PLXNA4: variants seen among roughly 807,000 people sequenced by gnomAD.
PLXNA4 encodes the protein plexin-A4.
In PLXNA4, 44 loss-of-function variants were observed where a neutral mutation model predicts 191.8. That is an observed-to-expected ratio of 0.23 (90% CI 0.18 to 0.29). The LOEUF (loss-of-function observed/expected upper bound fraction) is 0.29, where lower values mean the gene tolerates loss of function less well. Among genes scored for constraint, PLXNA4 ranks in the 10% least tolerant of loss-of-function variants. PLXNA4 has a pLI of 1.00. For missense variants in PLXNA4, 1,800 were observed against 2,488.8 expected (o/e 0.72, Z 5.89); for synonymous variants, 1,082 against 1,009.5 (o/e 1.07, Z -1.36).
intron 1 of PLXNA4, among the ~76,000 whole-genome samples, chr7:132,565,637 C>T (rs1801687153): frequency 1.3e-5 from 2 of 152,308 alleles, no homozygotes; most frequent in East Asian, 1.9e-4. Context: ...TCCCCTTCCG[C>T]ATGATTCTTT....
At chr7:132,276,183 CT>C (rs1229053986) in intron 4 of PLXNA4, among the ~76,000 whole-genome samples, 1 of 152,186 alleles carries the variant, frequency 6.6e-6, no homozygotes, top group Admixed American at 6.5e-5. Context: ...TGAGCATAGC[CT>C]GTTTGGTCCA....
At chr7:132,581,290 C>T (rs1802398357), upstream of PLXNA4, among the ~76,000 whole-genome samples, 1 of 152,218 alleles carries the variant, frequency 6.6e-6, no homozygotes, top group South Asian at 2.1e-4. Context: ...ACAGGGCCTA[C>T]TAGTAAGTTG....
intron 12 of PLXNA4, among the ~76,000 whole-genome samples, chr7:132,201,628 G>T (rs1797437014): frequency 6.6e-6 from 1 of 152,194 alleles, no homozygotes; most frequent in African/African-American, 2.4e-5. Flanking sequence ...TGTGTGCTCA[G>T]CCCTGAGCTG....
chr7:132,138,504 T>C (rs1161847217), intron 30 of PLXNA4, among the ~76,000 whole-genome samples: 1 of 152,118 alleles, frequency 6.6e-6, no homozygotes, highest in Admixed American at 6.5e-5. Flanking sequence ...CGTGGACTTG[T>C]CCCTCCATCA....
intron 1 of PLXNA4, among the ~76,000 whole-genome samples, chr7:132,544,049 A>T (rs1382466373): frequency 6.6e-6 from 1 of 152,260 alleles, no homozygotes; most frequent in African/African-American, 2.4e-5. Context: ...GGAGAAAAGT[A>T]AAATGATATG....
chr7:132,151,408 GA>G (rs368135730), intron 25 of PLXNA4, among the ~76,000 whole-genome samples: 1 of 7,298 alleles, frequency 1.4e-4, no homozygotes, highest in Non-Finnish European at 2.7e-4. Flanking sequence ...GGAGGAGGAG[GA>G]AGGAGGAGGA....
intron 25 of PLXNA4, among the ~76,000 whole-genome samples, chr7:132,155,602 G>A (rs1242093842): frequency 1.3e-5 from 2 of 152,140 alleles, no homozygotes; most frequent in African/African-American, 2.4e-5. Context: ...TTTAAACCTG[G>A]TTGTGGGGAC....
intron 2 of PLXNA4, among the ~76,000 whole-genome samples, chr7:132,589,571 G>A (rs970024695): frequency 7.9e-5 from 12 of 152,192 alleles, no homozygotes; most frequent in African/African-American, 2.6e-4. Context: ...AAGGACTCAG[G>A]TGAGTAGACA....
intron 2 of PLXNA4, among the ~76,000 whole-genome samples, chr7:132,592,152 T>G (rs1368259201): frequency 1.3e-5 from 2 of 152,210 alleles, no homozygotes; most frequent in Non-Finnish European, 2.9e-5. Flanking sequence ...CATTTCTCCC[T>G]GGGAACCCTG....
intron 3 of PLXNA4, among the ~76,000 whole-genome samples, chr7:132,371,632 G>A (rs927674562): frequency 6.6e-6 from 1 of 152,204 alleles, no homozygotes; most frequent in Non-Finnish European, 1.5e-5. Flanking sequence ...AGCCACTTGG[G>A]AGGGAGCCTT....
At chr7:132,410,148 A>G (rs1794391706) in intron 3 of PLXNA4, among the ~76,000 whole-genome samples, 2 of 152,180 alleles carry the variant, frequency 1.3e-5, no homozygotes, top group African/African-American at 4.8e-5. Context: ...GGATGGCAAC[A>G]GTTTTGGGCA....
intron 1 of PLXNA4, among the ~76,000 whole-genome samples, chr7:132,563,205 CCTCCTCCTCCTCCTTCTCCTCCTCTTT>C (rs1801413417): frequency 9.3e-6 from 1 of 107,614 alleles, no homozygotes; most frequent in Non-Finnish European, 2.0e-5. Flanking sequence ...TCCTCTTCCT[CCTCCTCCTCCTCCTTCTCCTCCTCTTT>C]CTCCTCCTCC....
At position 132,168,547 on chromosome 7, in the gene PLXNA4, A is replaced by C. The variant is rs762472086; in HGVS notation, c.4043T>G (p.Val1348Gly). 1.3e-6 allele frequency: 2 copies of C among 1,597,232 alleles called. No individual in the cohort carries two copies. Among genetic ancestry groups the C allele is most frequent in the Non-Finnish European group, 8.5e-7 (1 of 1,170,334 alleles). Reference protein sequence around the residue: ...LEVPGYRQERVEKGLKLFAQL... With the variant: ...LEVPGYRQERGEKGLKLFAQL... ...GGCGAAGAGCTTCAGGCCTTTCTCC[A>C]CACGCTCCTGCCGGTAGCCCGGGAC... is the stretch of plus-strand genomic sequence containing the variant. Residue 1348 changes from valine (V) to glycine (G), a missense_variant, in exon 22 of 32, where the codon GTG (valine) becomes GGG (glycine). Coordinates refer to ENST00000321063, the MANE Select transcript of PLXNA4 (RefSeq NM_020911.2).
At chr7:132,542,444 C>G (rs995563662) in intron 1 of PLXNA4, among the ~76,000 whole-genome samples, 1 of 152,096 alleles carries the variant, frequency 6.6e-6, no homozygotes, top group Non-Finnish European at 1.5e-5. Context: ...TACAATGTGT[C>G]TTCAATTTTC....
At chr7:132,233,505 G>A (rs1798592367) in intron 5 of PLXNA4, among the ~76,000 whole-genome samples, 1 of 152,226 alleles carries the variant, frequency 6.6e-6, no homozygotes, top group Non-Finnish European at 1.5e-5. Context: ...TCCCAAGATA[G>A]GAAGCCCAAG....
chr7:132,465,185 C>T (rs1385524778), intron 3 of PLXNA4, among the ~76,000 whole-genome samples: 2 of 132,698 alleles, frequency 1.5e-5, no homozygotes, highest in African/African-American at 5.1e-5. Flanking sequence ...TCAGTCTAGA[C>T]CCCCCCACCA....
chr7:132,166,897 C>G (rs564838457), intron 22 of PLXNA4, among the ~76,000 whole-genome samples: 2 of 152,148 alleles, frequency 1.3e-5, no homozygotes, highest in African/African-American at 4.8e-5. Flanking sequence ...ATGCAGCAGA[C>G]TTTTGCAGCT....
At chr7:132,457,481 G>A (rs763609977) in intron 3 of PLXNA4, among the ~76,000 whole-genome samples, 10 of 152,200 alleles carry the variant, frequency 6.6e-5, no homozygotes, top group African/African-American at 9.7e-5. Flanking sequence ...AGCTTGTGGT[G>A]CCATTTATGA....
intron 4 of PLXNA4, among the ~76,000 whole-genome samples, chr7:132,291,938 G>A (rs1373687835): frequency 6.6e-6 from 1 of 152,178 alleles, no homozygotes; most frequent in Non-Finnish European, 1.5e-5. Flanking sequence ...GGGATTACAG[G>A]TGCATGCCAC....
Sources: allele counts gnomAD v4.1 joint callset (sites outside exome capture counted in the v4.1 genomes callset), GRCh38; gene constraint gnomAD v4.1.1; transcripts MANE v1.5; gene names NCBI Gene and HGNC (gene_info 2026-07-23, HGNC 2026-07-21).